The following DOCK4 variants were observed in gnomAD, a reference collection of about 807,000 sequenced individuals.
The protein encoded by DOCK4 is dedicator of cytokinesis protein 4.
DOCK4 carries 97 observed loss-of-function variants against 268.1 expected under a neutral mutation model. The observed-to-expected ratio is 0.36, with a 90% CI of 0.31 to 0.43. DOCK4 has a LOEUF of 0.43. DOCK4 is among the 20% of genes least tolerant of loss of function. DOCK4 has a pLI of 1.00. For missense variants in DOCK4, 2,145 were observed against 2,455.7 expected (o/e 0.87, Z 2.67); for synonymous variants, 954 against 887.2 (o/e 1.08, Z -1.34).
chr7:111,991,380 A>G (rs578146254), intron 5 of DOCK4, among the ~76,000 whole-genome samples: 1 of 152,242 alleles, frequency 6.6e-6, no homozygotes, highest in East Asian at 1.9e-4. Flanking sequence ...AACACTGGAT[A>G]GTTATGAAGG....
chr7:111,746,968 G>C (rs1427887146), intron 43 of DOCK4, among the ~76,000 whole-genome samples: 2 of 151,952 alleles, frequency 1.3e-5, no homozygotes, highest in African/African-American at 4.8e-5. Flanking sequence ...TCTTTGCTTA[G>C]AGAAATTATT....
chr7:112,020,525 T>C (rs1290204059), intron 1 of DOCK4, among the ~76,000 whole-genome samples: 2 of 152,088 alleles, frequency 1.3e-5, no homozygotes, highest in Non-Finnish European at 2.9e-5. Flanking sequence ...ACATTTGTTT[T>C]GGAGAAAGGG....
intron 1 of DOCK4, among the ~76,000 whole-genome samples, chr7:112,091,815 T>C (rs1809658543): frequency 6.6e-6 from 1 of 152,160 alleles, no homozygotes; most frequent in Non-Finnish European, 1.5e-5. Context: ...CCATAATCCT[T>C]CCTGCACTTT....
chr7:111,911,268 A>G (rs1319932116), intron 13 of DOCK4, among the ~76,000 whole-genome samples: 1 of 152,224 alleles, frequency 6.6e-6, no homozygotes, highest in Non-Finnish European at 1.5e-5. Flanking sequence ...ACACTTTCTC[A>G]TGGAAGAATT....
At chr7:112,152,223 C>T (rs1426581927) in intron 1 of DOCK4, among the ~76,000 whole-genome samples, 1 of 152,144 alleles carries the variant, frequency 6.6e-6, no homozygotes, top group African/African-American at 2.4e-5. Context: ...GACAATAAGA[C>T]CATTCCATGA....
chr7:111,888,196 C>A (rs907218857), intron 16 of DOCK4, among the ~76,000 whole-genome samples: 1 of 150,390 alleles, frequency 6.6e-6, no homozygotes, highest in African/African-American at 2.4e-5. Context: ...ATAATTTCTT[C>A]TAGCAATGCC....
At position 111,728,378 on chromosome 7, in the gene DOCK4, G is replaced by C. The variant is rs1012421252; in HGVS notation, c.5824C>G (p.Pro1942Ala). The C allele has an allele frequency of 3.2e-6, 5 of 1,541,014 alleles. No homozygotes were observed. Among genetic ancestry groups the C allele is most frequent in the Middle Eastern group, 3.5e-4 (2 of 5,688 alleles). Residue 1942 changes from proline (P) to alanine (A), a missense_variant, in exon 53 of 53, where the codon CCC becomes GCC. Around this residue, in one of 2 missense-constraint regions of DOCK4, gnomAD observed 547 missense variants for 469.0 expected, o/e 1.17. Transcript: ENST00000428084. ...PVTSEPPALP[P>A]KPLAARSSHL... Reference sequence around the variant, plus strand: ...CTGGATCGCGCTGCCAGAGGCTTGGGGGGCAGCGCGGGCGGCTCCGACGTG... The same window carrying C: ...CTGGATCGCGCTGCCAGAGGCTTGGCGGGCAGCGCGGGCGGCTCCGACGTG...
At chr7:112,149,193 G>A (rs1018498305) in intron 1 of DOCK4, among the ~76,000 whole-genome samples, 29 of 152,120 alleles carry the variant, frequency 1.9e-4, no homozygotes, top group Admixed American at 2.6e-4. Context: ...GCAACTGCGC[G>A]GCCCTTCCCA....
intron 25 of DOCK4, among the ~76,000 whole-genome samples, chr7:111,841,679 C>A (rs572450241): frequency 6.6e-6 from 1 of 152,256 alleles, no homozygotes; most frequent in East Asian, 1.9e-4. Flanking sequence ...GTTTCTCACA[C>A]AGCAAGGGGT....
intron 1 of DOCK4, among the ~76,000 whole-genome samples, chr7:112,047,091 T>C (rs914989118): frequency 6.6e-6 from 1 of 152,184 alleles, no homozygotes; most frequent in African/African-American, 2.4e-5. Flanking sequence ...TGGGGCCTGT[T>C]CCCATTAGTC....
intron 50 of DOCK4, 60 bp from the exon 51 acceptor site, chr7:111,735,227 G>T (rs1198736754): frequency 4.5e-6 from 5 of 1,117,418 alleles, no homozygotes; most frequent in Non-Finnish European, 6.3e-6. Flanking sequence ...CAATGCTTGA[G>T]ATCTTAGAAG....
In DOCK4 at chr7:111,878,800, C is replaced by T. The variant is rs573467963; in HGVS notation, c.1588-1614G>A. ...ACCAGCCCTAGCCAGAAGAGACTCA[C>T]CATCTCAGCAGCTGGAACTTGAGTT... On this transcript the variant is annotated intron_variant, in intron 16 of 52. Transcript: ENST00000428084. Among the ~76,000 whole-genome samples, 17 of 152,274 alleles carry T rather than the reference C, an allele frequency of 1.1e-4. No homozygotes were observed. The East Asian group carries it at 3.1e-3, about 28-fold the overall frequency.
chr7:111,727,838 A>G lies in DOCK4; in HGVS notation c.*436T>C, dbSNP rs2133337568. On this transcript the variant is annotated 3_prime_UTR_variant, in exon 53 of 53. Coordinates refer to ENST00000428084, the MANE Select transcript of DOCK4 (RefSeq NM_001363540.2). ...CACTGATAAACCTTGCCTTATTTAC[A>G]GAAGTCTTCTAAAATAAGGACCACT... The G allele has an allele frequency of 6.5e-6, 1 of 155,006 alleles. No individual in the cohort carries two copies. The highest frequency in any genetic ancestry group is 2.4e-5 in the African/African-American group (1 of 41,698). 9.6% of individuals were successfully genotyped at this position (155,006 alleles called of 1,614,324 possible).
In DOCK4 at chr7:112,036,951, G is replaced by A. The variant is rs187725474; in HGVS notation, c.38-32820C>T. ...GCTGGGATTACAAGCGTGAGCCACC[G>A]TGCCCTGCCTGACAGGATTTAACTT... On this transcript the variant is annotated intron_variant, in intron 1 of 52. Coordinates refer to ENST00000428084, the MANE Select transcript of DOCK4 (RefSeq NM_001363540.2). Among the ~76,000 whole-genome samples the A allele has an allele frequency of 1.3e-3, 197 of 152,218 alleles. 2 individuals are homozygous for A. The highest frequency in any genetic ancestry group is 4.3e-3 in the African/African-American group (177 of 41,530).
intron 1 of DOCK4, among the ~76,000 whole-genome samples, chr7:112,127,715 G>C (rs1813371631): frequency 6.6e-6 from 1 of 152,106 alleles, no homozygotes; most frequent in Non-Finnish European, 1.5e-5. Context: ...CATCACCAAT[G>C]AGTATGTGTG....
At chr7:111,963,002 T>TA (rs1323882286) in intron 8 of DOCK4, among the ~76,000 whole-genome samples, 1 of 152,180 alleles carries the variant, frequency 6.6e-6, no homozygotes, top group Non-Finnish European at 1.5e-5. Flanking sequence ...CAACTGGTGG[T>TA]ACTCAGGTCA....
intron 1 of DOCK4, among the ~76,000 whole-genome samples, chr7:112,087,684 C>CAAA (rs1373983993): frequency 2.6e-4 from 40 of 152,238 alleles, no homozygotes; most frequent in African/African-American, 8.4e-4. Context: ...AACTGTCAGA[C>CAAA]AGCTTCATTT....
At chr7:111,913,061 T>G (rs1167823129) in intron 13 of DOCK4, among the ~76,000 whole-genome samples, 1 of 151,900 alleles carries the variant, frequency 6.6e-6, no homozygotes, top group African/African-American at 2.4e-5. Context: ...CCTCCCGGGT[T>G]CAAGCGATTC....
chr7:112,104,869 A>G (rs1810998927), intron 1 of DOCK4, among the ~76,000 whole-genome samples: 1 of 152,360 alleles, frequency 6.6e-6, no homozygotes, highest in East Asian at 1.9e-4. Flanking sequence ...AATTAACCCA[A>G]TGCTAAATGA....
Sources: allele counts gnomAD v4.1 joint callset (sites outside exome capture counted in the v4.1 genomes callset), GRCh38; gene constraint gnomAD v4.1.1; regional missense constraint gnomAD v4.1.1; transcripts MANE v1.5; gene names NCBI Gene and HGNC (gene_info 2026-07-23, HGNC 2026-07-21).